The following VWC2 variants were observed in gnomAD, a reference collection of about 807,000 sequenced individuals.
VWC2 encodes brorin.
Under a neutral mutation model 29.8 loss-of-function variants are expected in VWC2, and 14 were observed. The observed-to-expected ratio is 0.47, with a 90% CI of 0.31 to 0.74. The LOEUF (loss-of-function observed/expected upper bound fraction) is 0.74. Among genes scored for constraint, VWC2 ranks in the 30% least tolerant of loss-of-function variants. VWC2 has a pLI of 0.05. For missense variants in VWC2, 457 were observed against 459.8 expected, an observed-to-expected ratio of 0.99 and a Z score of 0.05; for synonymous variants, 213 against 199.0, an observed-to-expected ratio of 1.07 and a Z score of -0.59.
chr7:49,870,543 G>A (rs4916996), intron 3 of VWC2, among the ~76,000 whole-genome samples: 37,739 of 152,078 alleles, frequency 0.25, 5,873 homozygotes, highest in Non-Finnish European at 0.35. Context: ...TGAGTAAGTG[G>A]GAGTGGTGAC....
chr7:49,906,112 G>C (rs569341163), intron 3 of VWC2, among the ~76,000 whole-genome samples: 65 of 152,242 alleles, frequency 4.3e-4, no homozygotes, highest in African/African-American at 1.4e-3. Context: ...TTTGTCTACG[G>C]AGTAGCCATT....
intron 3 of VWC2, among the ~76,000 whole-genome samples, chr7:49,847,212 T>TTATAATATAA (rs200959078): frequency 2.7e-5 from 4 of 149,010 alleles, no homozygotes; most frequent in South Asian, 4.2e-4. Context: ...TGTGAACCTA[T>TTATAATATAA]TATAATATAA....
intron 2 of VWC2, among the ~76,000 whole-genome samples, chr7:49,786,235 T>C (rs1279783495): frequency 6.6e-6 from 1 of 152,220 alleles, no homozygotes; most frequent in Non-Finnish European, 1.5e-5. Context: ...ACATGTGGTA[T>C]TTGGTTTTCT....
chr7:49,892,211 ATT>A (rs1460487254), intron 3 of VWC2, among the ~76,000 whole-genome samples: 1 of 150,224 alleles, frequency 6.7e-6, no homozygotes, highest in Non-Finnish European at 1.5e-5. Flanking sequence ...CGCCCGGCTA[ATT>A]TTTTTTGTAT....
intron 3 of VWC2, among the ~76,000 whole-genome samples, chr7:49,816,992 A>G (rs1789161780): frequency 1.3e-5 from 2 of 152,068 alleles, no homozygotes; most frequent in African/African-American, 4.8e-5. Context: ...CTGGGACTCC[A>G]CCCCAAATTG....
intron 3 of VWC2, among the ~76,000 whole-genome samples, chr7:49,833,624 G>A (rs1377750379): frequency 1.3e-5 from 2 of 152,162 alleles, no homozygotes; most frequent in Non-Finnish European, 2.9e-5. Flanking sequence ...AAGCTTCATG[G>A]CTCTTTATGG....
chr7:49,776,463 G>A (rs771654192), intron 2 of VWC2, among the ~76,000 whole-genome samples: 1 of 152,154 alleles, frequency 6.6e-6, no homozygotes, highest in Non-Finnish European at 1.5e-5. Context: ...GAATGTTGTC[G>A]GTGAAATTCT....
At chr7:49,855,264 G>A (rs1481472691) in intron 3 of VWC2, among the ~76,000 whole-genome samples, 5 of 152,114 alleles carry the variant, frequency 3.3e-5, no homozygotes, top group African/African-American at 1.2e-4. Flanking sequence ...GGAAAACACT[G>A]GGTCATAGTT....
chr7:49,840,065 A>G (rs1225864165), intron 3 of VWC2, among the ~76,000 whole-genome samples: 1 of 152,214 alleles, frequency 6.6e-6, no homozygotes, highest in Non-Finnish European at 1.5e-5. Flanking sequence ...CGGGCTGACC[A>G]GGCTTCCGGA....
At chr7:49,893,466 G>A (rs1449247159) in intron 3 of VWC2, among the ~76,000 whole-genome samples, 1 of 152,088 alleles carries the variant, frequency 6.6e-6, no homozygotes, top group Non-Finnish European at 1.5e-5. Context: ...GCTTGTTTTA[G>A]TCCCTCTTTA....
At chr7:49,818,773 A>C (rs975125011) in intron 3 of VWC2, among the ~76,000 whole-genome samples, 4 of 149,444 alleles carry the variant, frequency 2.7e-5, no homozygotes, top group African/African-American at 9.8e-5. Context: ...TATATATATG[A>C]ATTTGCCTTT....
chr7:49,878,940 C>T (rs1362448351), intron 3 of VWC2, among the ~76,000 whole-genome samples: 1 of 152,124 alleles, frequency 6.6e-6, no homozygotes, highest in Non-Finnish European at 1.5e-5. Flanking sequence ...CTGTTTGTCC[C>T]TTTACAGAAA....
chr7:49,892,197 A>C (rs2128731024), intron 3 of VWC2, among the ~76,000 whole-genome samples: 1 of 151,182 alleles, frequency 6.6e-6, no homozygotes, highest in Non-Finnish European at 1.5e-5. Context: ...GGCGCCCACC[A>C]TCACGCCCGG....
At position 49,802,991 on chromosome 7, in the gene VWC2, C is replaced by T. The variant is rs1295834384; in HGVS notation, c.826+151C>T. The T allele has an allele frequency of 1.1e-5, 11 of 991,658 alleles. No homozygotes were observed. The East Asian group carries it at 2.5e-4, about 22-fold the overall frequency. 61.4% of individuals were successfully genotyped at this position (991,658 alleles called of 1,614,324 possible). A position where few individuals can be genotyped will look rare whatever the true frequency, so the allele number is the denominator to read the frequency against. The stretch of plus-strand genomic sequence containing the variant: ...GTACACACGTGTGTAATCTTTCAGC[C>T]ACAGTGGTTCTGTAGCAAGGCCTTC... On this transcript the variant is annotated intron_variant, in intron 3 of 3. Coordinates refer to ENST00000340652, the MANE Select transcript of VWC2 (RefSeq NM_198570.5).
chr7:49,879,229 A>T (rs1225025335), intron 3 of VWC2, among the ~76,000 whole-genome samples: 6 of 152,136 alleles, frequency 3.9e-5, no homozygotes, highest in Non-Finnish European at 1.5e-5. Flanking sequence ...CTTTTATCTT[A>T]TTGAATATAG....
intron 2 of VWC2, among the ~76,000 whole-genome samples, chr7:49,777,080 T>G (rs1278936788): frequency 1.3e-5 from 2 of 152,194 alleles, no homozygotes; most frequent in Admixed American, 1.3e-4. Context: ...GCCAGTGGGC[T>G]AGGGGCCTGA....
chr7:49,788,303 G>A lies in VWC2; in HGVS notation c.696+12172G>A, dbSNP rs114487630. 2.9e-3 allele frequency among the ~76,000 whole-genome samples: 442 copies of A among 152,338 alleles called. 3 individuals carry two copies. Among genetic ancestry groups the A allele is most frequent in the African/African-American group, 9.9e-3 (412 of 41,580 alleles). On this transcript the variant is annotated intron_variant, in intron 2 of 3. Coordinates refer to ENST00000340652, the MANE Select transcript of VWC2 (RefSeq NM_198570.5). ...CTCTACAGTTGGGGGTGCGAGCAGG[G>A]CTGTTGGAGCCCGGCCAGCTTTGGG...
intron 2 of VWC2, among the ~76,000 whole-genome samples, chr7:49,796,924 C>G (rs1404010067): frequency 6.6e-6 from 1 of 152,154 alleles, no homozygotes; most frequent in Non-Finnish European, 1.5e-5. Flanking sequence ...ATGTATGCCA[C>G]TTGATTTAAG....
chr7:49,896,528 A>G (rs952754433), intron 3 of VWC2, among the ~76,000 whole-genome samples: 6 of 152,228 alleles, frequency 3.9e-5, no homozygotes, highest in African/African-American at 1.4e-4. Flanking sequence ...GAAAGAAAAA[A>G]TAGTAAAGAT....
Sources: gnomAD v4.1 joint callset for allele counts (sites outside exome capture counted in the v4.1 genomes callset) on GRCh38, gnomAD v4.1.1 for gene constraint, MANE v1.5 for transcripts, NCBI Gene and HGNC (gene_info 2026-07-23, HGNC 2026-07-21) for gene names.